The following DAG1 variants were observed in gnomAD, a reference collection of about 807,000 sequenced individuals.
DAG1 encodes dystroglycan 1.
A neutral mutation model predicts 46.1 loss-of-function variants in DAG1; 8 were observed. The ratio of observed to expected loss-of-function variants is 0.17; its 90% confidence interval spans 0.10 to 0.31. The LOEUF is 0.31. Among genes scored for constraint, DAG1 ranks in the 10% least tolerant of loss-of-function variants. The pLI, the probability that DAG1 is intolerant of heterozygous loss-of-function variation, is 1.00. For missense variants in DAG1, 1,003 were observed against 1,189.9 expected (o/e 0.84, Z 2.31); for synonymous variants, 495 against 481.8 (o/e 1.03, Z -0.36).
At chr3:49,506,020 C>T (rs368784755) in intron 1 of DAG1, among the ~76,000 whole-genome samples, 1 of 147,458 alleles carries the variant, frequency 6.8e-6, no homozygotes. Flanking sequence ...ACTCCTGTTG[C>T]CCAGGCTGGA....
chr3:49,470,973 C>T (rs1357443879), intron 1 of DAG1: 2 of 152,232 alleles, frequency 1.3e-5, no homozygotes, highest in South Asian at 2.1e-4. Context: ...AGACCTGGTT[C>T]ACCTGCGAGT....
chr3:49,481,720 CG>C (rs2049885851), intron 1 of DAG1, among the ~76,000 whole-genome samples: 1 of 152,074 alleles, frequency 6.6e-6, no homozygotes, highest in Non-Finnish European at 1.5e-5. Flanking sequence ...AAGGATATGT[CG>C]TATTCAGGGA....
chr3:49,526,871 G>T (rs1332741182), intron 2 of DAG1, among the ~76,000 whole-genome samples: 1 of 145,190 alleles, frequency 6.9e-6, no homozygotes, highest in Non-Finnish European at 1.5e-5. Flanking sequence ...AGTGTTTATT[G>T]TTTGTTACAT....
chr3:49,510,981 ATATACTCAGAATAGCATCC>A, intron 2 of DAG1, 162 bp downstream of exon 2: 2 of 984,886 alleles, frequency 2.0e-6, no homozygotes, highest in Non-Finnish European at 2.4e-6. Context: ...GAGAATCCCT[ATATACTCAGAATAGCATCC>A]TAAACTGTAT....
At chr3:49,494,515 G>A (rs2050261446) in intron 1 of DAG1, among the ~76,000 whole-genome samples, 1 of 152,118 alleles carries the variant, frequency 6.6e-6, no homozygotes, top group Non-Finnish European at 1.5e-5. Flanking sequence ...TTAATTTTGA[G>A]CTATGGCACT....
At chr3:49,510,882 C>T in intron 2 of DAG1, 63 bp downstream of exon 2, 1 of 1,585,604 alleles carries the variant, frequency 6.3e-7, no homozygotes, top group Non-Finnish European at 8.6e-7. Flanking sequence ...GTTTTGGTGG[C>T]TTTTCCTTTT....
At chr3:49,481,356 C>T (rs1338720104) in intron 1 of DAG1, among the ~76,000 whole-genome samples, 5 of 147,780 alleles carry the variant, frequency 3.4e-5, no homozygotes, top group Non-Finnish European at 7.4e-5. Context: ...GAGATAGTGC[C>T]ATTGCACTCC....
intron 1 of DAG1, among the ~76,000 whole-genome samples, chr3:49,487,920 T>A (rs1439840698): frequency 6.6e-6 from 1 of 151,916 alleles, no homozygotes; most frequent in Non-Finnish European, 1.5e-5. Context: ...GCCAGGATGG[T>A]CTCGATCTCC....
chr3:49,496,356 T>C (rs2050309142), intron 1 of DAG1, among the ~76,000 whole-genome samples: 2 of 135,990 alleles, frequency 1.5e-5, no homozygotes, highest in African/African-American at 5.6e-5. Flanking sequence ...TTTTTAACTT[T>C]TTTTTTTTTT....
intron 1 of DAG1, among the ~76,000 whole-genome samples, chr3:49,507,221 G>A (rs556383708): frequency 5.3e-5 from 8 of 152,182 alleles, no homozygotes; most frequent in African/African-American, 7.2e-5. Flanking sequence ...AGAACTTACC[G>A]CTGATGTCAT....
At chr3:49,502,487 TC>T (rs1436438334) in intron 1 of DAG1, among the ~76,000 whole-genome samples, 1 of 152,038 alleles carries the variant, frequency 6.6e-6, no homozygotes, top group African/African-American at 2.4e-5. Context: ...GGGTCTGAAA[TC>T]CTGTGAGCCA....
chr3:49,529,235 G>A (rs930093093), intron 2 of DAG1, among the ~76,000 whole-genome samples: 4 of 151,984 alleles, frequency 2.6e-5, no homozygotes. Context: ...GTCTCACTGT[G>A]TTGGCCAGGG....
At chr3:49,490,433 A>G (rs924128099) in intron 1 of DAG1, among the ~76,000 whole-genome samples, 2 of 150,630 alleles carry the variant, frequency 1.3e-5, no homozygotes, top group Non-Finnish European at 3.0e-5. Context: ...ACTCCCAAAT[A>G]CTCCATCTAG....
chr3:49,510,464 C>G lies in DAG1; in HGVS notation c.-71C>G. The G allele has an allele frequency of 1.3e-6, 2 of 1,517,298 alleles. No individual in the cohort carries two copies. The highest frequency in any genetic ancestry group is 1.7e-5 in the Admixed American group (1 of 59,896). 94.0% of individuals were successfully genotyped at this position (1,517,298 alleles called of 1,614,324 possible). On this transcript the variant is annotated 5_prime_UTR_variant, in exon 2 of 3. Transcript: ENST00000308775. ...GAGCAGGTGTGCAGAGGGTGAGAAC[C>G]CAGCTCTGGGACCAAGTCACTTGCT...
chr3:49,485,554 GTAAA>G (rs1023518368), intron 1 of DAG1, among the ~76,000 whole-genome samples: 1 of 150,674 alleles, frequency 6.6e-6, no homozygotes, highest in Non-Finnish European at 1.5e-5. Flanking sequence ...TTTCATTTTT[GTAAA>G]TAAATAATTT....
At chr3:49,510,992 A>G in intron 2 of DAG1, 173 bp downstream of exon 2, 1 of 983,300 alleles carries the variant, frequency 1.0e-6, no homozygotes, top group Non-Finnish European at 1.2e-6. Flanking sequence ...TATACTCAGA[A>G]TAGCATCCTA....
chr3:49,510,271 A>C, intron 1 of DAG1, 148 bp from the exon 2 acceptor site: 2 of 574,128 alleles, frequency 3.5e-6, no homozygotes, highest in Non-Finnish European at 6.2e-6. Flanking sequence ...AGTTGCACGA[A>C]ACTGTTGGTT....
intron 1 of DAG1, among the ~76,000 whole-genome samples, chr3:49,483,214 T>C (rs1275184350): frequency 6.6e-6 from 1 of 151,646 alleles, no homozygotes; most frequent in Non-Finnish European, 1.5e-5. Context: ...TTTTTTTTTT[T>C]TTTCTTTTGA....
intron 2 of DAG1, among the ~76,000 whole-genome samples, chr3:49,518,839 A>T (rs1221377243): frequency 6.6e-6 from 1 of 152,138 alleles, no homozygotes; most frequent in Non-Finnish European, 1.5e-5. Flanking sequence ...TTTTTGAGAG[A>T]CCTGTGCCAT....
Sources: allele counts gnomAD v4.1 joint callset (sites outside exome capture counted in the v4.1 genomes callset), GRCh38; gene constraint gnomAD v4.1.1; transcripts MANE v1.5; gene names NCBI Gene and HGNC (gene_info 2026-07-23, HGNC 2026-07-21).